DENND1A: variants seen among roughly 807,000 people sequenced by gnomAD.
DENND1A encodes the protein DENN domain-containing protein 1A.
DENND1A carries 51 observed loss-of-function variants against 113.7 expected under a neutral mutation model. The ratio of observed to expected loss-of-function variants is 0.45; its 90% CI spans 0.36 to 0.57. DENND1A has a LOEUF of 0.57. Among genes scored for constraint, DENND1A ranks in the 20% least tolerant of loss-of-function variants. DENND1A has a pLI of 0.00. For synonymous variants in DENND1A, 565 were observed against 570.8 expected, an observed-to-expected ratio of 0.99 and a Z score of 0.14; for missense variants, 1,258 against 1,395.9, an observed-to-expected ratio of 0.90 and a Z score of 1.57.
intron 13 of DENND1A, among the ~76,000 whole-genome samples, chr9:123,487,914 G>C (rs76535008): frequency 6.6e-6 from 1 of 152,220 alleles, no homozygotes; most frequent in Admixed American, 6.5e-5. Context: ...TTCCAACACA[G>C]AGCTGGGCAA....
intron 13 of DENND1A, 143 bp downstream of exon 13, chr9:123,557,427 A>C: frequency 7.9e-7 from 1 of 1,258,262 alleles, no homozygotes; most frequent in East Asian, 2.4e-5. Flanking sequence ...CAAGGGGAGT[A>C]CACTGTCCCC....
At chr9:123,495,299 G>C (rs1206243165) in intron 13 of DENND1A, among the ~76,000 whole-genome samples, 1 of 152,152 alleles carries the variant, frequency 6.6e-6, no homozygotes, top group Non-Finnish European at 1.5e-5. Flanking sequence ...TGAGTGCATG[G>C]TCTCAGTAAA....
chr9:123,637,929 A>ACG (rs1480187492), intron 9 of DENND1A, among the ~76,000 whole-genome samples: 5 of 88,088 alleles, frequency 5.7e-5, no homozygotes, highest in Non-Finnish European at 6.5e-5. Flanking sequence ...ACACACACAC[A>ACG]CACGCACACA....
chr9:123,598,832 C>T (rs2059816977), intron 11 of DENND1A, among the ~76,000 whole-genome samples: 1 of 152,070 alleles, frequency 6.6e-6, no homozygotes. Context: ...AAATTTATTA[C>T]CACTGGATCT....
At chr9:123,925,631 C>T (rs1472793092) in intron 1 of DENND1A, among the ~76,000 whole-genome samples, 1 of 152,084 alleles carries the variant, frequency 6.6e-6, no homozygotes, top group East Asian at 1.9e-4. Context: ...CACAGTATTG[C>T]CACTAATTAT....
intron 2 of DENND1A, among the ~76,000 whole-genome samples, chr9:123,861,708 C>T (rs1845075829): frequency 6.6e-6 from 1 of 152,020 alleles, no homozygotes; most frequent in Non-Finnish European, 1.5e-5. Flanking sequence ...CAAAGCAAGC[C>T]CACTGTGAAC....
intron 1 of DENND1A, among the ~76,000 whole-genome samples, chr9:123,903,689 T>C (rs1852172101): frequency 6.6e-6 from 1 of 152,156 alleles, no homozygotes; most frequent in Admixed American, 6.6e-5. Context: ...CGCACCACGA[T>C]ATTATATCCC....
intron 3 of DENND1A, among the ~76,000 whole-genome samples, chr9:123,791,211 A>C (rs1832948052): frequency 6.6e-6 from 1 of 152,138 alleles, no homozygotes; most frequent in African/African-American, 2.4e-5. Flanking sequence ...TAGAACAATA[A>C]TTTTGTTAAA....
chr9:123,413,109 G>A (rs1459808071), intron 19 of DENND1A, among the ~76,000 whole-genome samples: 7 of 152,184 alleles, frequency 4.6e-5, no homozygotes, highest in African/African-American at 9.7e-5. Context: ...GCTTGAACCC[G>A]GAAGGCGGAG....
intron 5 of DENND1A, among the ~76,000 whole-genome samples, chr9:123,749,035 T>C (rs1352888451): frequency 1.3e-5 from 2 of 152,230 alleles, no homozygotes; most frequent in Non-Finnish European, 2.9e-5. Context: ...TCCTTGACAC[T>C]AACCAGGGGC....
At chr9:123,491,646 T>A (rs1299084619) in intron 13 of DENND1A, among the ~76,000 whole-genome samples, 1 of 152,226 alleles carries the variant, frequency 6.6e-6, no homozygotes, top group Non-Finnish European at 1.5e-5. Context: ...TCTTCCTGCA[T>A]CTCACAGAAA....
At chr9:123,620,213 C>CAAAA (rs34196587) in intron 10 of DENND1A, among the ~76,000 whole-genome samples, 79 of 59,006 alleles carry the variant, frequency 1.3e-3, no homozygotes, top group Non-Finnish European at 1.6e-3. Flanking sequence ...GACTCCATCT[C>CAAAA]AAAAAAAAAA....
intron 2 of DENND1A, among the ~76,000 whole-genome samples, chr9:123,847,498 C>T (rs929069335): frequency 1.1e-4 from 16 of 152,194 alleles, no homozygotes; most frequent in South Asian, 8.3e-4. Context: ...CAGAAGACAA[C>T]AAAATGACAT....
In DENND1A at chr9:123,457,802, G is replaced by GAGCTGC; in HGVS notation, c.1083_1088dup (p.Gln362_Leu363dup). On this transcript the variant is annotated inframe_insertion, in exon 14 of 24. Coordinates refer to ENST00000394215, the MANE Select transcript of DENND1A (RefSeq NM_001352964.2). Reference sequence around the variant, plus strand: ...CCAGGGAGGGAGGCACCTGCTTGAAGAGCTGCAGCTGTGTGGCGTTCTGCA... The same window carrying GAGCTGC: ...CCAGGGAGGGAGGCACCTGCTTGAAGAGCTGCAGCTGCAGCTGTGTGGCGTTCTGCA... The GAGCTGC allele has an allele frequency of 6.2e-7, 1 of 1,609,712 alleles. No individual in the cohort carries two copies. Among genetic ancestry groups the GAGCTGC allele is most frequent in the Non-Finnish European group, 8.5e-7 (1 of 1,178,080 alleles).
At chr9:123,852,264 G>C (rs1016839937) in intron 2 of DENND1A, among the ~76,000 whole-genome samples, 1 of 152,168 alleles carries the variant, frequency 6.6e-6, no homozygotes, top group African/African-American at 2.4e-5. Context: ...ACCTAAGCCT[G>C]ATTTAGTTCC....
intron 11 of DENND1A, among the ~76,000 whole-genome samples, chr9:123,591,390 G>A (rs2059448835): frequency 6.6e-6 from 1 of 152,238 alleles, no homozygotes; most frequent in Non-Finnish European, 1.5e-5. Context: ...TCAGCCGGGG[G>A]ATCTGAAGAG....
intron 2 of DENND1A, among the ~76,000 whole-genome samples, chr9:123,824,903 T>C (rs1013498656): frequency 5.9e-5 from 9 of 152,222 alleles, no homozygotes; most frequent in African/African-American, 1.9e-4. Context: ...CTATCTCTTA[T>C]AAATTTTATT....
intron 5 of DENND1A, among the ~76,000 whole-genome samples, chr9:123,754,018 G>A (rs771731979): frequency 6.6e-6 from 1 of 152,168 alleles, no homozygotes; most frequent in Non-Finnish European, 1.5e-5. Flanking sequence ...CAGGGGCTAC[G>A]TCTGCACAGA....
At chr9:123,408,254 G>A (rs986710335) in intron 20 of DENND1A, among the ~76,000 whole-genome samples, 1 of 152,146 alleles carries the variant, frequency 6.6e-6, no homozygotes, top group African/African-American at 2.4e-5. Flanking sequence ...TCCATATGCC[G>A]AGTCTCCCCG....
Sources: allele counts gnomAD v4.1 joint callset (sites outside exome capture counted in the v4.1 genomes callset), GRCh38; gene constraint gnomAD v4.1.1; transcripts MANE v1.5; gene names NCBI Gene and HGNC (gene_info 2026-07-23, HGNC 2026-07-21).